Variants in TXNRD2 observed in about 807,000 individuals in gnomAD.
The protein encoded by TXNRD2 is thioredoxin reductase 2, mitochondrial.
Under a neutral mutation model 70.8 loss-of-function variants are expected in TXNRD2, and 67 were observed. That is an observed-to-expected ratio of 0.95 (90% CI 0.78 to 1.16). The LOEUF is 1.16. Among genes scored for constraint, TXNRD2 ranks in the 50% most tolerant of loss-of-function variants. The pLI, the probability that TXNRD2 is intolerant of heterozygous loss-of-function variation, is 0.00. For missense variants in TXNRD2, 644 were observed against 719.9 expected (o/e 0.89, Z 1.21); for synonymous variants, 301 against 295.8 (o/e 1.02, Z -0.18).
intron 11 of TXNRD2, among the ~76,000 whole-genome samples, chr22:19,893,497 G>A (rs994160116): frequency 1.3e-5 from 2 of 152,216 alleles, no homozygotes; most frequent in African/African-American, 4.8e-5. Context: ...ATCTGCAATG[G>A]CCTCCTCTGC....
intron 1 of TXNRD2, among the ~76,000 whole-genome samples, chr22:19,933,120 A>C (rs1033778429): frequency 6.6e-6 from 1 of 151,648 alleles, no homozygotes; most frequent in African/African-American, 2.4e-5. Flanking sequence ...AAACCCACCC[A>C]CTCTTTCACC....
At chr22:19,925,383 C>A (rs1205975328) in intron 2 of TXNRD2, among the ~76,000 whole-genome samples, 3 of 151,796 alleles carry the variant, frequency 2.0e-5, no homozygotes, top group African/African-American at 7.3e-5. Flanking sequence ...CCCCCAGAGC[C>A]ATATTACAAG....
intron 2 of TXNRD2, among the ~76,000 whole-genome samples, chr22:19,922,705 G>T (rs1940962763): frequency 6.6e-6 from 1 of 151,818 alleles, no homozygotes; most frequent in Non-Finnish European, 1.5e-5. Flanking sequence ...CTCTTTTTTT[G>T]AGATGGAGTC....
intron 1 of TXNRD2, chr22:19,932,621 T>C: frequency 1.4e-6 from 2 of 1,405,010 alleles, no homozygotes; most frequent in Non-Finnish European, 1.9e-6. Context: ...AAGTCATCAG[T>C]CTGCTGGGGT....
At position 19,899,621 on chromosome 22, in the gene TXNRD2, G is replaced by A. The variant is rs188917273; in HGVS notation, c.663-553C>T. ...GACAAGGGAGGCAGCACAGGACACT[G>A]CGACCAGCAGTCATTGGAAATATTT... On this transcript the variant is annotated intron_variant, in intron 8 of 17. Transcript: ENST00000400521. Among the ~76,000 whole-genome samples the A allele has an allele frequency of 7.2e-5, 11 of 152,358 alleles. 1 individual carries two copies. The highest frequency in any genetic ancestry group is 2.4e-4 in the African/African-American group (10 of 41,584).
intron 1 of TXNRD2, among the ~76,000 whole-genome samples, chr22:19,936,147 T>A (rs535831554): frequency 3.9e-5 from 6 of 152,218 alleles, no homozygotes; most frequent in Admixed American, 3.9e-4. Flanking sequence ...GAAATTATGT[T>A]CCTGTCACTG....
intron 1 of TXNRD2, chr22:19,932,364 C>T: frequency 6.2e-7 from 1 of 1,612,666 alleles, no homozygotes; most frequent in Non-Finnish European, 8.5e-7. Context: ...CACCTTGGTC[C>T]TCCATGGTGG....
In TXNRD2 at chr22:19,916,715, C is replaced by T. The variant is rs187724949; in HGVS notation, c.450-872G>A. Among the ~76,000 whole-genome samples, 22 of 151,762 alleles carry T rather than the reference C, an allele frequency of 1.4e-4. No homozygotes were observed. The East Asian group carries it at 3.9e-3, about 27-fold the overall frequency. ...AGTGCAGTGGCATGATCATAGCTCA[C>T]GGAAGCCTTGTTTCAAGTAACTGGA... is the stretch of plus-strand genomic sequence containing the variant. On this transcript the variant is annotated intron_variant, in intron 5 of 17. Transcript: ENST00000400521.
chr22:19,924,978 A>C (rs1185238417), intron 2 of TXNRD2, among the ~76,000 whole-genome samples: 1 of 140,684 alleles, frequency 7.1e-6, no homozygotes, highest in Non-Finnish European at 1.6e-5. Context: ...TTTTTAAAGT[A>C]CTGAAAAAAA....
intron 11 of TXNRD2, among the ~76,000 whole-genome samples, chr22:19,892,491 A>C (rs943688201): frequency 2.0e-5 from 3 of 152,268 alleles, no homozygotes; most frequent in African/African-American, 7.2e-5. Context: ...GTACAAAAAA[A>C]TAAAACAGAC....
intron 11 of TXNRD2, among the ~76,000 whole-genome samples, chr22:19,884,725 G>C (rs1401339768): frequency 6.6e-6 from 1 of 152,186 alleles, no homozygotes; most frequent in Non-Finnish European, 1.5e-5. Context: ...CCCCAACAAT[G>C]CTCAAGTCCT....
intron 2 of TXNRD2, among the ~76,000 whole-genome samples, chr22:19,920,898 C>G (rs1025443029): frequency 1.3e-5 from 2 of 152,104 alleles, no homozygotes; most frequent in Admixed American, 6.6e-5. Context: ...GGCAGGAGAT[C>G]GAGAACATCC....
chr22:19,891,006 CA>C (rs1015348554), intron 11 of TXNRD2, among the ~76,000 whole-genome samples: 4 of 152,202 alleles, frequency 2.6e-5, no homozygotes, highest in Non-Finnish European at 4.4e-5. Flanking sequence ...GGAGACTATA[CA>C]GGGGCAGGCT....
In TXNRD2 at chr22:19,895,395, A is replaced by G. The variant is rs1569080931; in HGVS notation, c.949+12T>C. ...GACCAGAGACAGAGCGTGTGGCTCG[A>G]CGTGCCCTTACCTATGGCCCACAGG... On this transcript the variant is annotated intron_variant, in intron 11 of 17. Transcript: ENST00000400521. The G allele has an allele frequency of 6.2e-7, 1 of 1,613,712 alleles. No homozygotes were observed. The highest frequency in any genetic ancestry group is 8.5e-7 in the Non-Finnish European group (1 of 1,179,898).
rs1377818046 is a variant in TXNRD2 at position 19,941,711 on chromosome 22, C to G, written c.93G>C (p.Arg31=). 6.7e-7 allele frequency: 1 copy of G among 1,484,096 alleles called. No homozygotes were observed. The highest frequency in any genetic ancestry group is 8.9e-7 in the Non-Finnish European group (1 of 1,124,484). The allele number at this position is 1,484,096 out of a possible 1,614,324, so 91.9% of individuals were successfully genotyped here. A position where few individuals can be genotyped will look rare whatever the true frequency, so the allele number is the denominator to read the frequency against. ...CCGACCCCATCCTACCTGCTGCGCCCCGCGCCGCGCCCCGCACCCCGCCCG... is the reference window on the plus strand; with the variant it reads ...CCGACCCCATCCTACCTGCTGCGCCGCGCGCCGCGCCCCGCACCCCGCCCG... ...AVAGGVRGAA[R]GAAAGQRDYD... The change falls in exon 1 of 18, where the codon CGG becomes CGC. Residue 31 remains arginine (R), a synonymous_variant. Transcript: ENST00000400521.
In TXNRD2 at chr22:19,895,558, C is replaced by T; in HGVS notation, c.798G>A (p.Glu266=). The change falls in exon 11 of 18, where the codon GAG becomes GAA. Residue 266 remains glutamate (E), a synonymous_variant. Coordinates refer to ENST00000400521, the MANE Select transcript of TXNRD2 (RefSeq NM_006440.5). ...ACCGGGTGCCATGAGATGCCATGTG[C>T]TCTATGACCATGGAGGACATTTGCT... ...FDQQMSSMVI[E]HMASHGTRFL... is the part of the protein sequence containing the mutation. 1.2e-6 allele frequency: 2 copies of T among 1,612,724 alleles called. No individual in the cohort carries two copies. The highest frequency in any genetic ancestry group is 8.5e-7 in the Non-Finnish European group (1 of 1,180,034).
chr22:19,922,966 C>T (rs189641933), intron 2 of TXNRD2, among the ~76,000 whole-genome samples: 17 of 151,640 alleles, frequency 1.1e-4, no homozygotes, highest in African/African-American at 3.6e-4. Context: ...GGATTACAGG[C>T]GTGAGCCACC....
intron 13 of TXNRD2, 58 bp downstream of exon 13, chr22:19,880,564 G>A: frequency 6.6e-7 from 1 of 1,514,020 alleles, no homozygotes. Flanking sequence ...CCCCAGAAGA[G>A]CTAGCCTCGA....
At position 19,895,149 on chromosome 22, in the gene TXNRD2, T is replaced by C. The variant is rs1468594973; in HGVS notation, c.949+258A>G. Reference sequence around the variant, plus strand: ...GATGCCGTCTCAGTCTCTTCTCTGGTTTTTTCCAGCATGTCCCACGGTGGT... The same window carrying C: ...GATGCCGTCTCAGTCTCTTCTCTGGCTTTTTCCAGCATGTCCCACGGTGGT... On this transcript the variant is annotated intron_variant, in intron 11 of 17. Coordinates refer to ENST00000400521, the MANE Select transcript of TXNRD2 (RefSeq NM_006440.5). 3 of 1,598,162 alleles carry C rather than the reference T, an allele frequency of 1.9e-6. No individual in the cohort carries two copies. In the African/African-American group the frequency reaches 4.0e-5, roughly 21 times the overall value.
Sources: gnomAD v4.1 joint callset for allele counts (sites outside exome capture counted in the v4.1 genomes callset) on GRCh38, gnomAD v4.1.1 for gene constraint, MANE v1.5 for transcripts, NCBI Gene and HGNC (gene_info 2026-07-23, HGNC 2026-07-21) for gene names.